The following FARP1 variants were observed in gnomAD, a reference collection of about 807,000 sequenced individuals.
FARP1 encodes FERM, ARH/RhoGEF and pleckstrin domain protein 1.
Under a neutral mutation model 128.8 loss-of-function variants are expected in FARP1, and 52 were observed. That is an observed-to-expected ratio of 0.40 (90% CI 0.32 to 0.51). The LOEUF (loss-of-function observed/expected upper bound fraction) is 0.51, where lower values mean the gene tolerates loss of function less well. Ranked by LOEUF, FARP1 falls within the 20% of genes least tolerant of loss-of-function variation. The probability of loss-of-function intolerance (pLI) is 0.45; values close to 1 mark genes in which losing one functional copy is unlikely to be tolerated. For synonymous variants in FARP1, 580 were observed against 551.8 expected (o/e 1.05, Z -0.72); for missense variants, 1,333 against 1,367.9 (o/e 0.97, Z 0.40).
intron 1 of FARP1, among the ~76,000 whole-genome samples, chr13:98,163,430 G>A (rs72653396): frequency 0.092 from 13,961 of 152,024 alleles, 836 homozygotes; most frequent in African/African-American, 0.16. Flanking sequence ...AAACCTGCAC[G>A]TGTACCCTGA....
chr13:98,288,968 C>CTT (rs5806054), intron 2 of FARP1, among the ~76,000 whole-genome samples: 32 of 134,858 alleles, frequency 2.4e-4, no homozygotes, highest in South Asian at 4.7e-4. Flanking sequence ...GTTCCTATGG[C>CTT]TTTTTTTTTT....
At chr13:98,258,883 T>C (rs936556927) in intron 2 of FARP1, among the ~76,000 whole-genome samples, 1 of 152,160 alleles carries the variant, frequency 6.6e-6, no homozygotes, top group Non-Finnish European at 1.5e-5. Flanking sequence ...AATTTGAGAA[T>C]TTAAAATGCT....
intron 1 of FARP1, among the ~76,000 whole-genome samples, chr13:98,148,892 T>C (rs1371690534): frequency 7.2e-6 from 1 of 139,146 alleles, no homozygotes. Context: ...TCTCTTTTAC[T>C]TTTTTTTTTT....
At chr13:98,378,010 G>A in intron 6 of FARP1, 92 bp downstream of exon 6, 1 of 974,990 alleles carries the variant, frequency 1.0e-6, no homozygotes, top group Admixed American at 2.0e-5. Flanking sequence ...AAAAAAGAAA[G>A]TGTCAATGTT....
intron 2 of FARP1, among the ~76,000 whole-genome samples, chr13:98,296,828 G>A (rs1885718515): frequency 6.6e-6 from 1 of 151,844 alleles, no homozygotes; most frequent in African/African-American, 2.4e-5. Context: ...GGGACCACAG[G>A]TGCTAGCCAC....
chr13:98,377,776 C>G (rs200118670), intron 5 of FARP1, 45 bp from the exon 6 acceptor site: 293 of 1,456,048 alleles, frequency 2.0e-4, no homozygotes, highest in Admixed American at 4.5e-4. Context: ...TCCCGGTGAC[C>G]TCCTGCCCTC....
At chr13:98,248,362 G>A (rs1883168617) in intron 2 of FARP1, among the ~76,000 whole-genome samples, 1 of 152,184 alleles carries the variant, frequency 6.6e-6, no homozygotes, top group Admixed American at 6.5e-5. Flanking sequence ...TAGCAGTGAT[G>A]TGAGCTGTTT....
chr13:98,415,512 G>C (rs1408395946), intron 16 of FARP1, among the ~76,000 whole-genome samples: 1 of 152,242 alleles, frequency 6.6e-6, no homozygotes, highest in African/African-American at 2.4e-5. Flanking sequence ...TGGGGGACTT[G>C]CACTCTCAAA....
chr13:98,408,567 A>T (rs781702839), intron 13 of FARP1, among the ~76,000 whole-genome samples: 74 of 152,142 alleles, frequency 4.9e-4, no homozygotes, highest in Non-Finnish European at 9.0e-4. Flanking sequence ...GACCTCAGGC[A>T]ATCCGCCTGC....
At chr13:98,253,643 C>T (rs557469677) in intron 2 of FARP1, among the ~76,000 whole-genome samples, 3 of 152,276 alleles carry the variant, frequency 2.0e-5, no homozygotes, top group South Asian at 2.1e-4. Context: ...GTGTAGACTG[C>T]TGTGGGCTTT....
chr13:98,232,125 C>T (rs1451012990), intron 2 of FARP1, among the ~76,000 whole-genome samples: 1 of 102,384 alleles, frequency 9.8e-6, no homozygotes, highest in African/African-American at 3.9e-5. Flanking sequence ...CCACCGTGCC[C>T]GGCTTTTTTT....
Position 98,153,403 on chromosome 13 carries a change from TATAA to T in FARP1, c.-24+9915_-24+9918del, listed in dbSNP as rs572111516. On this transcript the variant is annotated intron_variant, in intron 1 of 26. Coordinates refer to ENST00000319562, the MANE Select transcript of FARP1 (RefSeq NM_005766.4). ...AATATATAATAAATAATACATTATA[TATAA>T]ATATGTATAATATGTAACACATTAT... 7.6e-3 allele frequency among the ~76,000 whole-genome samples: 654 copies of T among 86,110 alleles called. 9 individuals carry two copies. Among genetic ancestry groups the T allele is most frequent in the African/African-American group, 0.018 (625 of 34,642 alleles). The allele number at this position is 86,110 out of a possible 152,430, so 56.5% of individuals were successfully genotyped here. A position where few individuals can be genotyped will look rare whatever the true frequency, so the allele number is the denominator to read the frequency against.
chr13:98,339,196 A>G (rs1309873264), intron 2 of FARP1, among the ~76,000 whole-genome samples: 2 of 152,130 alleles, frequency 1.3e-5, no homozygotes, highest in Non-Finnish European at 2.9e-5. Flanking sequence ...GGTTTACTTG[A>G]CTCATAGTTC....
intron 2 of FARP1, among the ~76,000 whole-genome samples, chr13:98,280,874 G>C (rs1189685095): frequency 2.6e-5 from 4 of 152,150 alleles, no homozygotes; most frequent in Admixed American, 2.0e-4. Flanking sequence ...AGATGGCTGG[G>C]TTCGTTCTGA....
chr13:98,145,563 T>A (rs1594194760), intron 1 of FARP1, among the ~76,000 whole-genome samples: 2 of 152,208 alleles, frequency 1.3e-5, no homozygotes, highest in East Asian at 3.8e-4. Context: ...TTTGTTTCAC[T>A]TTTCGTTAAA....
At chr13:98,179,886 C>T (rs922167975) in intron 1 of FARP1, among the ~76,000 whole-genome samples, 2 of 144,916 alleles carry the variant, frequency 1.4e-5, no homozygotes, top group Non-Finnish European at 3.1e-5. Flanking sequence ...AAACAAAAAA[C>T]TTTTGACTTA....
intron 13 of FARP1, among the ~76,000 whole-genome samples, chr13:98,408,296 G>C (rs1891053333): frequency 6.6e-6 from 1 of 150,508 alleles, no homozygotes; most frequent in South Asian, 2.1e-4. Context: ...CATCTCCCTT[G>C]GCTGACTCAT....
chr13:98,199,456 A>T (rs1462256791), intron 1 of FARP1, among the ~76,000 whole-genome samples: 3 of 152,240 alleles, frequency 2.0e-5, no homozygotes, highest in Non-Finnish European at 4.4e-5. Flanking sequence ...GCTGAAACAT[A>T]ATAGGCCCTC....
rs542608174 is a variant in FARP1, at chr13:98,262,172, C to T, written c.171+48759C>T. ...CTGGGACTGCAGGTGTGTGCTACCG[C>T]GCCCTGCTAATTTTTTTTTTTTTTT... is the stretch of plus-strand genomic sequence containing the variant. On this transcript the variant is annotated intron_variant, in intron 2 of 26. Coordinates refer to ENST00000319562, the MANE Select transcript of FARP1 (RefSeq NM_005766.4). 8.5e-4 allele frequency among the ~76,000 whole-genome samples: 127 copies of T among 149,924 alleles called. 1 individual carries two copies. Among genetic ancestry groups the T allele is most frequent in the African/African-American group, 2.9e-3 (115 of 40,192 alleles).
Sources: allele counts gnomAD v4.1 joint callset (sites outside exome capture counted in the v4.1 genomes callset), GRCh38; gene constraint gnomAD v4.1.1; transcripts MANE v1.5; gene names NCBI Gene and HGNC (gene_info 2026-07-23, HGNC 2026-07-21).